Variants in CLEC2A observed in about 807,000 individuals in gnomAD.
CLEC2A encodes C-type lectin domain family 2 member A.
In CLEC2A, 19 loss-of-function variants were observed where a neutral mutation model predicts 18.6. The observed-to-expected ratio is 1.02, with a 90% confidence interval of 0.71 to 1.50. The LOEUF (loss-of-function observed/expected upper bound fraction) is 1.50. CLEC2A is among the 40% of genes most tolerant of loss of function. The probability of loss-of-function intolerance (pLI) is 0.00; values close to 1 mark genes in which losing one functional copy is unlikely to be tolerated. For synonymous variants in CLEC2A, 74 were observed against 64.0 expected (o/e 1.16, Z -0.75); for missense variants, 190 against 207.9 (o/e 0.91, Z 0.53).
chr12:9,910,729 G>T (rs1862972093), downstream of CLEC2A, among the ~76,000 whole-genome samples: 1 of 152,116 alleles, frequency 6.6e-6, no homozygotes, highest in Non-Finnish European at 1.5e-5. Context: ...GCCGTGGTAG[G>T]TAGGTAAGAA....
At chr12:9,895,967 A>C, downstream of CLEC2A, 9 of 804,474 alleles carry the variant, frequency 1.1e-5, no homozygotes, top group Non-Finnish European at 1.6e-5. Flanking sequence ...AAAGTATTTT[A>C]TCCTGAATTG....
At chr12:9,882,552 C>T in the CLEC2A span, among the ~76,000 whole-genome samples, 3 of 151,966 alleles carry the variant, frequency 2.0e-5, no homozygotes, top group Non-Finnish European at 2.9e-5. Flanking sequence ...CAGAGGTGGG[C>T]GGGTCACCTG....
chr12:9,900,778 A>G (rs1166570669), intron 4 of CLEC2A, among the ~76,000 whole-genome samples: 1 of 152,170 alleles, frequency 6.6e-6, no homozygotes, highest in Non-Finnish European at 1.5e-5. Context: ...TCCCCACTGG[A>G]CTTTTATTGG....
exon 5 of CLEC2A, chr12:9,898,834 A>T (rs1407899): frequency 0.64 from 440,556 of 687,860 alleles, 143,411 homozygotes; most frequent in African/African-American, 0.74. Context: ...GGATGAAGAC[A>T]GATTTAACTG....
chr12:9,926,861 T>C (rs1038551574), intron 1 of CLEC2A, among the ~76,000 whole-genome samples: 2 of 152,216 alleles, frequency 1.3e-5, no homozygotes, highest in African/African-American at 4.8e-5. Flanking sequence ...ATAAAAGCAG[T>C]AATTTATTTA....
Position 9,913,338 on chromosome 12 carries a change from A to G in CLEC2A, c.*228T>C. ...ATCAGGAGGTGATTAGTTCATGAGG[A>G]TGGAGCCATAGTAAATGTGATTGTG... On this transcript the variant is annotated 3_prime_UTR_variant, in exon 5 of 5. Coordinates refer to ENST00000455827, the MANE Select transcript of CLEC2A (RefSeq NM_001130711.2). The G allele has an allele frequency of 1.7e-6, 1 of 573,572 alleles. No individual in the cohort carries two copies. The highest frequency in any genetic ancestry group is 2.7e-6 in the Non-Finnish European group (1 of 367,360). 35.5% of individuals were successfully genotyped at this position (573,572 alleles called of 1,614,324 possible).
the CLEC2A span, chr12:9,881,535 G>A: frequency 3.3e-6 from 4 of 1,228,726 alleles, no homozygotes; most frequent in Non-Finnish European, 4.6e-6. Flanking sequence ...CCAAGGTTGA[G>A]ATTAGTTTCC....
chr12:9,884,710 C>T, the CLEC2A span, among the ~76,000 whole-genome samples: 1 of 150,680 alleles, frequency 6.6e-6, no homozygotes, highest in Non-Finnish European at 1.5e-5. Flanking sequence ...CTCAAAAACA[C>T]CACCAAATAA....
At chr12:9,905,033 C>T (rs1862887746) in intron 4 of CLEC2A, among the ~76,000 whole-genome samples, 1 of 152,154 alleles carries the variant, frequency 6.6e-6, no homozygotes, top group Non-Finnish European at 1.5e-5. Context: ...GATAACTGAA[C>T]AAGCATCAAA....
At chr12:9,916,216 AAAAT>A (rs1360723005) in intron 4 of CLEC2A, among the ~76,000 whole-genome samples, 2 of 152,058 alleles carry the variant, frequency 1.3e-5, no homozygotes, top group Non-Finnish European at 2.9e-5. Context: ...TACAGAAATA[AAAAT>A]AAATAAAATA....
intron 4 of CLEC2A, among the ~76,000 whole-genome samples, chr12:9,906,790 T>G (rs551330832): frequency 1.5e-3 from 227 of 152,320 alleles, no homozygotes; most frequent in African/African-American, 5.3e-3. Context: ...TTTTGAAAGG[T>G]GTGTCTTCTA....
At chr12:9,887,113 A>G in the CLEC2A span, among the ~76,000 whole-genome samples, 1 of 152,186 alleles carries the variant, frequency 6.6e-6, no homozygotes, top group South Asian at 2.1e-4. Context: ...AAGCTTCCAG[A>G]AGAAGAAAAT....
intron 3 of CLEC2A, among the ~76,000 whole-genome samples, chr12:9,921,510 C>T (rs1031797402): frequency 6.6e-6 from 1 of 151,966 alleles, no homozygotes; most frequent in Non-Finnish European, 1.5e-5. Flanking sequence ...TTGCTTGATC[C>T]CAGGAATTCA....
At chr12:9,879,962 A>C in the CLEC2A span, among the ~76,000 whole-genome samples, 1 of 152,154 alleles carries the variant, frequency 6.6e-6, no homozygotes, top group Admixed American at 6.5e-5. Context: ...TCTCCACCTC[A>C]ACCATACCTA....
chr12:9,881,754 A>T, the CLEC2A span: 1 of 910,208 alleles, frequency 1.1e-6, no homozygotes, highest in Non-Finnish European at 1.7e-6. Context: ...ACATCTTAAC[A>T]TTGATCATAA....
At chr12:9,915,090 T>C (rs1489050617) in intron 4 of CLEC2A, among the ~76,000 whole-genome samples, 2 of 151,688 alleles carry the variant, frequency 1.3e-5, no homozygotes, top group Admixed American at 1.3e-4. Context: ...CCAACAAACA[T>C]TTGAAAAAAA....
In CLEC2A at chr12:9,921,297, A is replaced by G. The variant is rs183433810; in HGVS notation, c.306+769T>C. ...GTCTGTATATAACTTTTGACTCCTC[A>G]AAAAGTTAACCATGCTGTTTATGGT... On this transcript the variant is annotated intron_variant, in intron 3 of 4. Coordinates refer to ENST00000455827, the MANE Select transcript of CLEC2A (RefSeq NM_001130711.2). Among the ~76,000 whole-genome samples the G allele has an allele frequency of 2.6e-5, 4 of 152,316 alleles. 1 individual carries two copies. The highest frequency in any genetic ancestry group is 2.0e-4 in the Admixed American group (3 of 15,300).
the CLEC2A span, among the ~76,000 whole-genome samples, chr12:9,888,125 T>C: frequency 5.0e-5 from 7 of 140,720 alleles, no homozygotes; most frequent in Non-Finnish European, 7.7e-5. Flanking sequence ...GAATGTCAAT[T>C]AAAAAGTCCA....
the CLEC2A span, among the ~76,000 whole-genome samples, chr12:9,880,731 C>A: frequency 2.0e-5 from 3 of 151,932 alleles, no homozygotes; most frequent in East Asian, 5.8e-4. Flanking sequence ...CTGGAGAATT[C>A]TCTCTCACTC....
Sources: gnomAD v4.1 joint callset for allele counts (sites outside exome capture counted in the v4.1 genomes callset) on GRCh38, gnomAD v4.1.1 for gene constraint, MANE v1.5 for transcripts, NCBI Gene and HGNC (gene_info 2026-07-23, HGNC 2026-07-21) for gene names.